Variants in DNAH1 observed in about 807,000 individuals in gnomAD.
DNAH1 encodes the protein axonemal beta dynein heavy chain 1.
A neutral mutation model predicts 484.3 loss-of-function variants in DNAH1; 327 were observed. The ratio of observed to expected loss-of-function variants is 0.68; its 90% confidence interval spans 0.62 to 0.74. DNAH1 has a LOEUF of 0.74. Among genes scored for constraint, DNAH1 ranks in the 30% least tolerant of loss-of-function variants. The probability of loss-of-function intolerance (pLI) is 0.00; values close to 1 mark genes in which losing one functional copy is unlikely to be tolerated. For missense variants in DNAH1, 5,052 were observed against 5,546.8 expected, an observed-to-expected ratio of 0.91 and a Z score of 2.83; for synonymous variants, 2,192 against 2,191.9, an observed-to-expected ratio of 1.00 and a Z score of 0.00.
At chr3:52,386,465 C>T (rs1559560702) in intron 55 of DNAH1, 120 bp downstream of exon 55, 30 of 1,385,462 alleles carry the variant, frequency 2.2e-5, no homozygotes, top group Non-Finnish European at 2.7e-5. Flanking sequence ...GCCCCCAGGG[C>T]CCAAGTAGGA....
rs1426491136 is a variant in DNAH1, at chr3:52,376,000, G to A, written c.7198+7G>A. 4 of 1,611,572 alleles carry A rather than the reference G, an allele frequency of 2.5e-6. No individual in the cohort carries two copies. The highest frequency in any genetic ancestry group is 1.7e-5 in the Admixed American group (1 of 59,294). The stretch of plus-strand genomic sequence containing the variant: ...AGCTACCGGGAGCGTGTGCGTAAGT[G>A]TGGGCCTGGGCGGGAATGGGGCACT... On this transcript the variant is annotated splice_region_variant and intron_variant, in intron 46 of 77. Transcript: ENST00000420323.
Position 52,390,807 on chromosome 3 carries a change from A to G in DNAH1, c.9622-128A>G, listed in dbSNP as rs2153225537. The stretch of plus-strand genomic sequence containing the variant: ...TTGCCTACATTGTCACCTGCCCCCA[A>G]CCTCCAAGGGGATGCAGTAAGGAGA... On this transcript the variant is annotated intron_variant, in intron 60 of 77. Coordinates refer to ENST00000420323, the MANE Select transcript of DNAH1 (RefSeq NM_015512.5). 7 of 1,402,320 alleles carry G rather than the reference A, an allele frequency of 5.0e-6. No individual in the cohort carries two copies. The East Asian group carries it at 1.8e-4, about 35-fold the overall frequency. The allele number at this position is 1,402,320 out of a possible 1,614,324, so 86.9% of individuals were successfully genotyped here. A position where few individuals can be genotyped will look rare whatever the true frequency, so the allele number is the denominator to read the frequency against.
At position 52,331,072 on chromosome 3, in the gene DNAH1, G is replaced by A. The variant is rs956724892; in HGVS notation, c.872-76G>A. On this transcript the variant is annotated intron_variant, in intron 6 of 77. Transcript: ENST00000420323. Reference sequence around the variant, plus strand: ...GTGATCTCTGAGACCCATTCCCAGCGATGCTGCCAGCACTCAGAGGCCCCT... The same window carrying A: ...GTGATCTCTGAGACCCATTCCCAGCAATGCTGCCAGCACTCAGAGGCCCCT... The A allele has an allele frequency of 2.7e-5, 41 of 1,492,256 alleles. No individual in the cohort carries two copies. In the African/African-American group the frequency reaches 4.5e-4, roughly 16 times the overall value. The allele number at this position is 1,492,256 out of a possible 1,614,324, so 92.4% of individuals were successfully genotyped here.
intron 21 of DNAH1, 58 bp from the exon 22 acceptor site, chr3:52,356,556 C>T (rs2153224174): frequency 6.3e-7 from 1 of 1,578,182 alleles, no homozygotes; most frequent in Non-Finnish European, 8.6e-7. Context: ...TTGGGACAAA[C>T]CCCAGCTTGG....
At chr3:52,394,867 C>T in intron 67 of DNAH1, 48 bp from the exon 68 acceptor site, 1 of 1,600,010 alleles carries the variant, frequency 6.2e-7, no homozygotes, top group South Asian at 1.1e-5. Flanking sequence ...GGCCACCAAC[C>T]TCCTTCCAAC....
intron 48 of DNAH1, among the ~76,000 whole-genome samples, chr3:52,380,602 G>C (rs1201135378): frequency 6.6e-6 from 1 of 152,216 alleles, no homozygotes; most frequent in Non-Finnish European, 1.5e-5. Context: ...GAAGGAGCAG[G>C]CAGGGCTCTG....
chr3:52,338,646 A>G (rs1039750884), intron 8 of DNAH1, among the ~76,000 whole-genome samples: 2 of 152,204 alleles, frequency 1.3e-5, no homozygotes, highest in Non-Finnish European at 2.9e-5. Context: ...TTGACCAGAT[A>G]TAAAATTCTT....
chr3:52,324,562 G>A lies in DNAH1; in HGVS notation c.406+682G>A, dbSNP rs988626456. ...AGATGCCCTGTGGCTGCCCCTGTCC[G>A]CCCCTCCTCCCCACCCCCAGGAAAG... On this transcript the variant is annotated intron_variant, in intron 3 of 77. Coordinates refer to ENST00000420323, the MANE Select transcript of DNAH1 (RefSeq NM_015512.5). Among the ~76,000 whole-genome samples, 7 of 151,950 alleles carry A rather than the reference G, an allele frequency of 4.6e-5. No homozygotes were observed. In the East Asian group the frequency reaches 5.8e-4, roughly 13 times the overall value.
At position 52,394,680 on chromosome 3, in the gene DNAH1, T is replaced by G; in HGVS notation, c.10823+19T>G. The G allele has an allele frequency of 6.4e-7, 1 of 1,552,952 alleles. No individual in the cohort carries two copies. Among genetic ancestry groups the G allele is most frequent in the East Asian group, 2.3e-5 (1 of 44,288 alleles). ...CCCACCGGTTAGCTGGGCCCCAGAA[T>G]ATGGCAGGATGAGCCCATCGAGGGG... is the stretch of plus-strand genomic sequence containing the variant. On this transcript the variant is annotated intron_variant, in intron 67 of 77. Transcript: ENST00000420323.
upstream of DNAH1, among the ~76,000 whole-genome samples, chr3:52,315,111 G>T (rs186766094): frequency 3.9e-5 from 6 of 152,140 alleles, no homozygotes; most frequent in African/African-American, 1.4e-4. Context: ...GGCTTATGTC[G>T]GGGAGGCCTG....
rs781669779 is a variant in DNAH1 at position 52,382,344 on chromosome 3, T to G, written c.7830T>G (p.Ile2610Met). 3.1e-6 allele frequency: 5 copies of G among 1,613,790 alleles called. No homozygotes were observed. In the East Asian group the frequency reaches 6.7e-5, roughly 22 times the overall value. ...GGGCCGAGTACGAGTGCTTCCAGAT[T>G]GAACTATCCAAGAACTACGGCATGT... is the stretch of plus-strand genomic sequence containing the variant. Reference protein sequence around the residue: ...SHMAEYECFQIELSKNYGMSE... With the variant: ...SHMAEYECFQMELSKNYGMSE... The change falls in exon 50 of 78, where the codon ATT becomes ATG. Residue 2610 changes from isoleucine (I) to methionine (M), a missense_variant. Ile to Met is a conservative substitution (Grantham distance 10). Transcript: ENST00000420323.
Position 52,360,355 on chromosome 3 carries a change from C to A in DNAH1, c.4616C>A (p.Ala1539Asp). Residue 1539 changes from alanine (A) to aspartate (D), a missense_variant, in exon 28 of 78, where the codon GCT (alanine) becomes GAT (aspartate). Ala to Asp is a moderately radical substitution (Grantham distance 126, BLOSUM62 -2). Coordinates refer to ENST00000420323, the MANE Select transcript of DNAH1 (RefSeq NM_015512.5). ...NNDLYIRAVN[A>D]EFIYGYEYLG... ...GACCTGTATATCCGTGCTGTGAATGCTGAGTTCATCTATGGCTATGAGTAC... is the reference window on the plus strand; with the variant it reads ...GACCTGTATATCCGTGCTGTGAATGATGAGTTCATCTATGGCTATGAGTAC... 1 of 1,614,016 alleles carries A rather than the reference C, an allele frequency of 6.2e-7. No individual in the cohort carries two copies. The highest frequency in any genetic ancestry group is 8.5e-7 in the Non-Finnish European group (1 of 1,179,874).
intron 1 of DNAH1, among the ~76,000 whole-genome samples, chr3:52,321,343 T>G (rs1454435702): frequency 6.6e-6 from 1 of 152,204 alleles, no homozygotes; most frequent in East Asian, 1.9e-4. Context: ...CTCAAACTCC[T>G]GACCTCAGGT....
intron 8 of DNAH1, among the ~76,000 whole-genome samples, chr3:52,340,977 T>A (rs990757656): frequency 6.6e-6 from 1 of 152,044 alleles, no homozygotes; most frequent in Non-Finnish European, 1.5e-5. Context: ...CCTTCCTCCC[T>A]CCCTTCCTTC....
At chr3:52,389,276 T>G (rs574596799) in intron 59 of DNAH1, among the ~76,000 whole-genome samples, 185 bp from the exon 60 acceptor site, 2 of 152,236 alleles carry the variant, frequency 1.3e-5, no homozygotes, top group African/African-American at 2.4e-5. Flanking sequence ...TTTGCCCGTT[T>G]CACAGATGAA....
At position 52,326,218 on chromosome 3, in the gene DNAH1, C is replaced by T. The variant is rs993782683; in HGVS notation, c.485C>T (p.Ala162Val). 1.4e-5 allele frequency: 22 copies of T among 1,613,054 alleles called. No homozygotes were observed. The highest frequency in any genetic ancestry group is 5.5e-5 in the South Asian group (5 of 90,904). ...QCIGSTTRLL[A>V]QTDFPLQAYE... ...ATCGGGTCCACCACCCGGCTGCTCG[C>T]CCAGACTGACTTCCCACTGCAGGCC... The change falls in exon 4 of 78, where the codon GCC becomes GTC. Residue 162 changes from alanine (A) to valine (V), a missense_variant. Physicochemically the swap from Ala to Val is moderately conservative, Grantham distance 64 (BLOSUM62 0). Transcript: ENST00000420323.
chr3:52,354,030 C>A (rs969895949), intron 20 of DNAH1, among the ~76,000 whole-genome samples: 12 of 151,956 alleles, frequency 7.9e-5, no homozygotes, highest in African/African-American at 2.9e-4. Context: ...CCCATCTCTA[C>A]AAAAAATTAA....
intron 22 of DNAH1, among the ~76,000 whole-genome samples, chr3:52,357,167 T>G (rs1007219003): frequency 4.6e-5 from 7 of 152,064 alleles, no homozygotes; most frequent in African/African-American, 1.7e-4. Flanking sequence ...TAATCCTGTC[T>G]TAGCCTACCA....
At chr3:52,343,923 G>A (rs1165630181) in intron 8 of DNAH1, among the ~76,000 whole-genome samples, 1 of 152,154 alleles carries the variant, frequency 6.6e-6, no homozygotes, top group Non-Finnish European at 1.5e-5. Flanking sequence ...TGAGGACGGG[G>A]GAGATGGTGT....
Sources: gnomAD v4.1 joint callset for allele counts (sites outside exome capture counted in the v4.1 genomes callset) on GRCh38, gnomAD v4.1.1 for gene constraint, MANE v1.5 for transcripts, NCBI Gene and HGNC (gene_info 2026-07-23, HGNC 2026-07-21) for gene names.